The following FILIP1 variants were observed in gnomAD, a reference collection of about 807,000 sequenced individuals.
FILIP1 encodes the protein filamin A interacting protein 1, also known as filamin-A-interacting protein 1.
Under a neutral mutation model 102.1 loss-of-function variants are expected in FILIP1, and 61 were observed. That is an observed-to-expected ratio of 0.60 (90% CI 0.49 to 0.74). The LOEUF is 0.74. Among genes scored for constraint, FILIP1 ranks in the 30% least tolerant of loss-of-function variants. The probability of loss-of-function intolerance (pLI) is 0.00; values close to 1 mark genes in which losing one functional copy is unlikely to be tolerated. For missense variants in FILIP1, 1,314 were observed against 1,441.2 expected (o/e 0.91, Z 1.43); for synonymous variants, 491 against 526.9 (o/e 0.93, Z 0.93).
chr6:75,369,706 T>C (rs771178984), intron 2 of FILIP1, among the ~76,000 whole-genome samples: 1 of 152,212 alleles, frequency 6.6e-6, no homozygotes, highest in African/African-American at 2.4e-5. Flanking sequence ...GAGATAAACA[T>C]GGTGCATCTT....
intron 4 of FILIP1, among the ~76,000 whole-genome samples, chr6:75,344,154 T>C (rs1040161583): frequency 6.6e-6 from 1 of 152,124 alleles, no homozygotes; most frequent in East Asian, 1.9e-4. Flanking sequence ...TCTGGTGTGG[T>C]TTTTTTGTTT....
At chr6:75,311,776 C>T (rs1203249495) in intron 5 of FILIP1, among the ~76,000 whole-genome samples, 1 of 152,198 alleles carries the variant, frequency 6.6e-6, no homozygotes, top group Non-Finnish European at 1.5e-5. Context: ...GGATTACTGG[C>T]ATGAGCCACC....
intron 1 of FILIP1, among the ~76,000 whole-genome samples, chr6:75,466,806 T>A (rs980579865): frequency 6.6e-6 from 1 of 152,224 alleles, no homozygotes; most frequent in African/African-American, 2.4e-5. Flanking sequence ...GCAATATGAT[T>A]GAATAACCTA....
At chr6:75,439,479 C>T (rs974212472) in intron 1 of FILIP1, among the ~76,000 whole-genome samples, 2 of 152,062 alleles carry the variant, frequency 1.3e-5, no homozygotes, top group African/African-American at 4.8e-5. Flanking sequence ...TGCAAACATA[C>T]GTGGAAGTCC....
At chr6:75,466,372 A>G (rs1020195519) in intron 1 of FILIP1, among the ~76,000 whole-genome samples, 6 of 152,184 alleles carry the variant, frequency 3.9e-5, no homozygotes, top group Non-Finnish European at 8.8e-5. Context: ...GTACCTGGCA[A>G]GTGGTAGGCA....
intron 1 of FILIP1, among the ~76,000 whole-genome samples, chr6:75,485,750 C>T (rs771128970): frequency 1.1e-4 from 17 of 152,182 alleles, no homozygotes; most frequent in Non-Finnish European, 1.9e-4. Flanking sequence ...AATAAAATAT[C>T]CAATAAAATA....
chr6:75,293,525 A>G (rs544623573), exon 7 of FILIP1: 37 of 152,328 alleles, frequency 2.4e-4, no homozygotes, highest in Admixed American at 1.7e-3. Context: ...GGACTTAATC[A>G]TAGCATGGAC....
At chr6:75,435,808 G>A (rs545729051) in intron 1 of FILIP1, among the ~76,000 whole-genome samples, 5 of 152,182 alleles carry the variant, frequency 3.3e-5, no homozygotes, top group African/African-American at 1.2e-4. Flanking sequence ...TCTCAGGAAG[G>A]TGCACAGCCT....
intron 1 of FILIP1, among the ~76,000 whole-genome samples, chr6:75,418,988 TC>T (rs942257603): frequency 7.7e-4 from 116 of 151,422 alleles, no homozygotes; most frequent in African/African-American, 2.6e-3. Flanking sequence ...TTCATCTGCG[TC>T]CCCCCCACCC....
chr6:75,414,728 T>C lies in FILIP1; in HGVS notation c.245A>G (p.Gln82Arg). The change falls in exon 2 of 6, where the codon CAA becomes CGA. Residue 82 changes from glutamine to arginine, a missense_variant. Transcript: ENST00000237172. ...CTCCCCTTCCATTATACTGAGTAGT[T>C]GGATGAGGTCTTCTTTGGATAACTC... Reference protein sequence around the residue: ...SLELSKEDLIQLLSIMEGELQ... With the variant: ...SLELSKEDLIRLLSIMEGELQ... The C allele has an allele frequency of 6.2e-7, 1 of 1,613,814 alleles. No homozygotes were observed. The highest frequency in any genetic ancestry group is 8.5e-7 in the Non-Finnish European group (1 of 1,179,758).
intron 1 of FILIP1, among the ~76,000 whole-genome samples, chr6:75,483,934 T>A (rs1219267607): frequency 6.6e-6 from 1 of 152,136 alleles, no homozygotes; most frequent in Non-Finnish European, 1.5e-5. Flanking sequence ...AAATATATAG[T>A]ATATGTGTAT....
chr6:75,319,897 A>C (rs1773589021), intron 4 of FILIP1: 1 of 458,566 alleles, frequency 2.2e-6, no homozygotes, highest in African/African-American at 2.1e-5. Flanking sequence ...GCTTCTTCTT[A>C]TGCTCCTCCT....
intron 2 of FILIP1, among the ~76,000 whole-genome samples, chr6:75,369,725 A>G (rs906209609): frequency 4.6e-5 from 7 of 152,238 alleles, no homozygotes; most frequent in Admixed American, 6.5e-5. Flanking sequence ...TTCTTTTAGC[A>G]CTAAGATTAC....
rs972644474 is a variant in FILIP1 at position 75,324,543 on chromosome 6, C to T, written c.630-9341G>A. Among the ~76,000 whole-genome samples the T allele has an allele frequency of 5.1e-4, 78 of 152,166 alleles. 1 individual carries two copies. The highest frequency in any genetic ancestry group is 3.4e-3 in the Middle Eastern group (1 of 294). On this transcript the variant is annotated intron_variant, in intron 4 of 5. Transcript: ENST00000237172. Reference sequence around the variant, plus strand: ...GGCACTCTACAGATTCAATGCATTTCCCATCAAAATGTCATCATCATTCTT... The same window carrying T: ...GGCACTCTACAGATTCAATGCATTTTCCATCAAAATGTCATCATCATTCTT...
chr6:75,471,071 G>C (rs1395338144), intron 1 of FILIP1, among the ~76,000 whole-genome samples: 1 of 148,826 alleles, frequency 6.7e-6, no homozygotes, highest in Non-Finnish European at 1.5e-5. Context: ...AAGGTGGAAG[G>C]ATCTCTTGAA....
intron 1 of FILIP1, among the ~76,000 whole-genome samples, chr6:75,441,895 C>A (rs1289777322): frequency 7.7e-4 from 116 of 149,968 alleles, no homozygotes; most frequent in Admixed American, 1.8e-3. Context: ...TAGACCCCCC[C>A]ACCTCCCTCC....
chr6:75,303,689 C>T (rs911195115), downstream of FILIP1, among the ~76,000 whole-genome samples: 2 of 151,606 alleles, frequency 1.3e-5, no homozygotes, highest in Non-Finnish European at 2.9e-5. Context: ...GATAGCCTGC[C>T]CCAGAAAGGT....
chr6:75,396,138 G>A (rs971325191), intron 2 of FILIP1, among the ~76,000 whole-genome samples: 7 of 151,866 alleles, frequency 4.6e-5, no homozygotes, highest in Non-Finnish European at 8.8e-5. Flanking sequence ...TTTAAGATGG[G>A]AAATATTCAA....
At chr6:75,440,524 A>G (rs1335816474) in intron 1 of FILIP1, among the ~76,000 whole-genome samples, 2 of 152,246 alleles carry the variant, frequency 1.3e-5, no homozygotes, top group Admixed American at 6.5e-5. Context: ...ACCCGTCTAC[A>G]AAGTGGAATG....
Sources: allele counts gnomAD v4.1 joint callset (sites outside exome capture counted in the v4.1 genomes callset), GRCh38; gene constraint gnomAD v4.1.1; transcripts MANE v1.5; gene names NCBI Gene and HGNC (gene_info 2026-07-23, HGNC 2026-07-21).